C7: variants seen among roughly 807,000 people sequenced by gnomAD.
C7 encodes the protein complement C7.
A neutral mutation model predicts 104.8 loss-of-function variants in C7; 83 were observed. That is an observed-to-expected ratio of 0.79 (90% CI 0.66 to 0.95). The LOEUF is 0.95. Among genes scored for constraint, C7 ranks in the 40% least tolerant of loss-of-function variants. The pLI, the probability that C7 is intolerant of heterozygous loss-of-function variation, is 0.00. For missense variants in C7, 1,070 were observed against 1,011.2 expected (o/e 1.06, Z -0.79); for synonymous variants, 415 against 360.6 (o/e 1.15, Z -1.71).
At chr5:40,965,454 T>A (rs1740522493) in intron 14 of C7, among the ~76,000 whole-genome samples, 1 of 152,104 alleles carries the variant, frequency 6.6e-6, no homozygotes, top group Non-Finnish European at 1.5e-5. Flanking sequence ...TTGTGAAATT[T>A]CTGAGTAATT....
chr5:40,916,582 C>T (rs1305561359), intron 1 of C7, among the ~76,000 whole-genome samples: 1 of 152,130 alleles, frequency 6.6e-6, no homozygotes, highest in Non-Finnish European at 1.5e-5. Flanking sequence ...AGGAAATGCT[C>T]GAAACCATTT....
intron 1 of C7, among the ~76,000 whole-genome samples, chr5:40,924,672 C>T (rs1472350910): frequency 6.6e-6 from 1 of 152,202 alleles, no homozygotes. Flanking sequence ...TAGCTGGAAG[C>T]TGCCAAGCCT....
intron 7 of C7, among the ~76,000 whole-genome samples, chr5:40,946,450 A>G (rs1358703184): frequency 6.6e-6 from 1 of 152,214 alleles, no homozygotes; most frequent in East Asian, 1.9e-4. Context: ...GAAACTGACT[A>G]TGGAGCTATG....
At chr5:40,941,122 CGT>C (rs1055208819) in intron 6 of C7, among the ~76,000 whole-genome samples, 3 of 149,464 alleles carry the variant, frequency 2.0e-5, no homozygotes, top group Non-Finnish European at 3.0e-5. Flanking sequence ...GGAGTGCAGT[CGT>C]GTGATCTCGG....
intron 2 of C7, among the ~76,000 whole-genome samples, chr5:40,930,027 C>G (rs996040463): frequency 3.9e-5 from 6 of 152,062 alleles, no homozygotes; most frequent in Admixed American, 3.9e-4. Context: ...AACATATTTA[C>G]ATATGTTTTC....
intron 8 of C7, among the ~76,000 whole-genome samples, chr5:40,949,360 C>A (rs78138578): frequency 1.9e-3 from 242 of 127,318 alleles, no homozygotes; most frequent in South Asian, 3.1e-3. Context: ...AATGCATTGG[C>A]AAAAAAAAAA....
rs1235140300 is a variant in C7, at chr5:40,982,276, T to G, written c.*703T>G. Reference sequence around the variant, plus strand: ...CTTGTGCCTCAGCTTCCCAAGCAGCTGGGATTACAGGTGCCCGCCACCACG... The same window carrying G: ...CTTGTGCCTCAGCTTCCCAAGCAGCGGGGATTACAGGTGCCCGCCACCACG... On this transcript the variant is annotated 3_prime_UTR_variant, in exon 18 of 18. Coordinates refer to ENST00000313164, the MANE Select transcript of C7 (RefSeq NM_000587.4). 6.6e-6 allele frequency: 1 copy of G among 152,250 alleles called. No homozygotes were observed. The highest frequency in any genetic ancestry group is 1.5e-5 in the Non-Finnish European group (1 of 68,104). The allele number at this position is 152,250 out of a possible 1,614,324, so 9.4% of individuals were successfully genotyped here. A position where few individuals can be genotyped will look rare whatever the true frequency, so the allele number is the denominator to read the frequency against.
intron 1 of C7, among the ~76,000 whole-genome samples, chr5:40,910,883 T>G (rs1201667442): frequency 6.6e-6 from 1 of 152,062 alleles, no homozygotes; most frequent in African/African-American, 2.4e-5. Context: ...ATATTTGTGT[T>G]AACTATTAAT....
In C7 at chr5:40,938,362, C is replaced by A. The variant is rs1739860038; in HGVS notation, c.567+672C>A. 2.0e-5 allele frequency among the ~76,000 whole-genome samples: 3 copies of A among 152,150 alleles called. No individual in the cohort carries two copies. In the South Asian group the frequency reaches 6.2e-4, roughly 32 times the overall value. ...TTTTTTCCATTTGTATAAATAGAAT[C>A]ATATCTATTCTTCTGTTACTTTTTT... On this transcript the variant is annotated intron_variant, in intron 6 of 17. Transcript: ENST00000313164.
At chr5:40,953,219 T>C (rs908039772) in intron 9 of C7, among the ~76,000 whole-genome samples, 1 of 152,180 alleles carries the variant, frequency 6.6e-6, no homozygotes, top group African/African-American at 2.4e-5. Flanking sequence ...TATTGCATGT[T>C]CTCATATGTG....
rs776782605 is a variant in C7 at position 40,937,557 on chromosome 5, A to G, written c.434A>G (p.Asn145Ser). Residue 145 changes from asparagine to serine, a missense_variant, in exon 6 of 18, where the codon AAT becomes AGT. By Grantham distance (46) the Asn-to-Ser change is conservative. Coordinates refer to ENST00000313164, the MANE Select transcript of C7 (RefSeq NM_000587.4). ...CCTCCTCCTCCTTTTAACAGTTACA[A>G]TGAACTCACTGGCCAGTTTAGGAAC... Reference protein sequence around the residue: ...PNIELTGNGYNELTGQFRNRV... With the variant: ...PNIELTGNGYSELTGQFRNRV... The G allele has an allele frequency of 2.4e-5, 38 of 1,606,668 alleles. No homozygotes were observed. The highest frequency in any genetic ancestry group is 5.6e-5 in the South Asian group (5 of 89,200).
At chr5:40,922,969 G>A (rs1739472679) in intron 1 of C7, among the ~76,000 whole-genome samples, 1 of 152,070 alleles carries the variant, frequency 6.6e-6, no homozygotes, top group South Asian at 2.1e-4. Flanking sequence ...GTAAAAATGG[G>A]CAAATGGGAT....
intron 7 of C7, among the ~76,000 whole-genome samples, chr5:40,947,064 G>T (rs1163837448): frequency 6.6e-6 from 1 of 151,280 alleles, no homozygotes; most frequent in Non-Finnish European, 1.5e-5. Context: ...CCAGATGTGG[G>T]AGGGGATGGT....
Position 40,928,636 on chromosome 5 carries a change from G to T in C7, c.62+1G>T. The T allele has an allele frequency of 6.5e-7, 1 of 1,537,692 alleles. No individual in the cohort carries two copies. The highest frequency in any genetic ancestry group is 8.8e-7 in the Non-Finnish European group (1 of 1,133,336). On this transcript the variant is annotated splice_donor_variant, in intron 2 of 17. Transcript: ENST00000313164. LOFTEE classifies it high-confidence loss of function. ...TAGGAGAGTTCCAAAGTTTTTCAAG[G>T]TGAGGACTTTTTGGGTTGTGTGTAA... is the stretch of plus-strand genomic sequence containing the variant.
In C7 at chr5:40,948,581, C is replaced by T. The variant is rs926619429; in HGVS notation, c.982+736C>T. Among the ~76,000 whole-genome samples the T allele has an allele frequency of 3.9e-5, 6 of 152,142 alleles. No individual in the cohort carries two copies. In the South Asian group the frequency reaches 1.2e-3, roughly 32 times the overall value. On this transcript the variant is annotated intron_variant, in intron 8 of 17. Coordinates refer to ENST00000313164, the MANE Select transcript of C7 (RefSeq NM_000587.4). ...TTTTGGTTAGAATCAGGACATACCC[C>T]TGAATTAATGCTTTGTTGATTTCAT...
chr5:40,981,662 T>A lies in C7; in HGVS notation c.*89T>A. 1 of 1,090,236 alleles carries A rather than the reference T, an allele frequency of 9.2e-7. No individual in the cohort carries two copies. Among genetic ancestry groups the A allele is most frequent in the Non-Finnish European group, 1.3e-6 (1 of 775,960 alleles). The allele number at this position is 1,090,236 out of a possible 1,614,324, so 67.5% of individuals were successfully genotyped here. On this transcript the variant is annotated 3_prime_UTR_variant, in exon 18 of 18. Coordinates refer to ENST00000313164, the MANE Select transcript of C7 (RefSeq NM_000587.4). ...TCTGCACAACTGGGCACTGGACAGC[T>A]TTTCCTTCTTCTCCAGTGTCTACCT...
At chr5:40,910,227 G>T (rs1000175937) in intron 1 of C7, among the ~76,000 whole-genome samples, 1 of 152,084 alleles carries the variant, frequency 6.6e-6, no homozygotes, top group African/African-American at 2.4e-5. Context: ...CAACCAAAAA[G>T]CTATTCAACA....
At chr5:40,927,424 T>C (rs1739577238) in intron 1 of C7, among the ~76,000 whole-genome samples, 1 of 152,062 alleles carries the variant, frequency 6.6e-6, no homozygotes, top group South Asian at 2.1e-4. Flanking sequence ...AGTTTCTGCA[T>C]GGCAAAGGAG....
At chr5:40,929,241 T>C (rs1209307747) in intron 2 of C7, among the ~76,000 whole-genome samples, 3 of 152,058 alleles carry the variant, frequency 2.0e-5, no homozygotes, top group African/African-American at 7.2e-5. Flanking sequence ...GCCAGTTCAT[T>C]GCAATATGAA....
Sources: gnomAD v4.1 joint callset for allele counts (sites outside exome capture counted in the v4.1 genomes callset) on GRCh38, gnomAD v4.1.1 for gene constraint, MANE v1.5 for transcripts, NCBI Gene and HGNC (gene_info 2026-07-23, HGNC 2026-07-21) for gene names.